DPP6: variants seen among roughly 807,000 people sequenced by gnomAD.
DPP6 encodes dipeptidyl peptidase like 6, also known as A-type potassium channel modulatory protein DPP6.
A neutral mutation model predicts 122.6 loss-of-function variants in DPP6; 69 were observed. That is an observed-to-expected ratio of 0.56 (90% CI 0.46 to 0.69). DPP6 has a LOEUF of 0.69. Among genes scored for constraint, DPP6 ranks in the 30% least tolerant of loss-of-function variants. DPP6 has a pLI of 0.00. For synonymous variants in DPP6, 418 were observed against 433.1 expected (o/e 0.97, Z 0.43); for missense variants, 928 against 1,116.9 (o/e 0.83, Z 2.41).
intron 1 of DPP6, among the ~76,000 whole-genome samples, chr7:153,947,492 A>T (rs551114840): frequency 4.9e-4 from 74 of 152,190 alleles, no homozygotes; most frequent in African/African-American, 1.4e-3. Context: ...GACTGGCAAA[A>T]AATAATAATA....
intron 1 of DPP6, among the ~76,000 whole-genome samples, chr7:154,150,971 C>G (rs904490360): frequency 3.3e-5 from 5 of 152,134 alleles, no homozygotes; most frequent in African/African-American, 1.2e-4. Context: ...TCCTAGATAG[C>G]TGCTTCCTGC....
chr7:154,458,665 G>T (rs1821013364), intron 2 of DPP6, among the ~76,000 whole-genome samples: 1 of 152,332 alleles, frequency 6.6e-6, no homozygotes, highest in Admixed American at 6.5e-5. Flanking sequence ...AAAATAAAGG[G>T]AGATAAATGG....
chr7:154,267,568 TAC>T (rs558406367), intron 1 of DPP6, among the ~76,000 whole-genome samples: 4 of 149,012 alleles, frequency 2.7e-5, no homozygotes, highest in East Asian at 3.9e-4. Flanking sequence ...TACACACATG[TAC>T]ACACACATAT....
At chr7:153,798,335 G>A in the DPP6 span, among the ~76,000 whole-genome samples, 1 of 152,210 alleles carries the variant, frequency 6.6e-6, no homozygotes, top group Non-Finnish European at 1.5e-5. Context: ...ACAAAGAAGA[G>A]ATATTGGTTC....
intron 1 of DPP6, among the ~76,000 whole-genome samples, chr7:154,176,988 C>T (rs1235634666): frequency 6.6e-6 from 1 of 152,050 alleles, no homozygotes; most frequent in Admixed American, 6.6e-5. Flanking sequence ...CACACACCAC[C>T]ACACCTGGCT....
chr7:154,861,378 A>T (rs1171813441), intron 17 of DPP6, among the ~76,000 whole-genome samples: 1 of 152,202 alleles, frequency 6.6e-6, no homozygotes, highest in Non-Finnish European at 1.5e-5. Context: ...ACATAATCCT[A>T]TGATATCTAA....
At chr7:154,564,237 C>G (rs928152237) in intron 4 of DPP6, among the ~76,000 whole-genome samples, 1 of 151,900 alleles carries the variant, frequency 6.6e-6, no homozygotes, top group African/African-American at 2.4e-5. Context: ...GCATGACAGG[C>G]AGGAGTTTAA....
intron 5 of DPP6, among the ~76,000 whole-genome samples, chr7:154,613,288 C>T (rs1834021179): frequency 6.6e-6 from 1 of 151,910 alleles, no homozygotes; most frequent in Non-Finnish European, 1.5e-5. Context: ...TAACCATAAA[C>T]CAAGGAGTTA....
intron 16 of DPP6, among the ~76,000 whole-genome samples, chr7:154,849,168 T>C (rs763384315): frequency 4.6e-5 from 7 of 152,210 alleles, no homozygotes; most frequent in Non-Finnish European, 8.8e-5. Context: ...CATATGAATT[T>C]TAGGATTTTT....
At chr7:153,923,760 CAAAAAAA>C (rs1158548494) in intron 1 of DPP6, among the ~76,000 whole-genome samples, 1 of 46,798 alleles carries the variant, frequency 2.1e-5, no homozygotes, top group African/African-American at 9.6e-5. Context: ...GACTCCATCT[CAAAAAAA>C]AAAAAAAAAA....
At chr7:154,491,788 T>A (rs1824301884) in intron 3 of DPP6, among the ~76,000 whole-genome samples, 2 of 152,322 alleles carry the variant, frequency 1.3e-5, no homozygotes, top group East Asian at 1.9e-4. Context: ...AAGGAGGATT[T>A]TCCTTTGGGC....
intron 1 of DPP6, among the ~76,000 whole-genome samples, chr7:154,364,776 T>G (rs768330204): frequency 1.3e-5 from 2 of 152,220 alleles, no homozygotes; most frequent in Non-Finnish European, 2.9e-5. Flanking sequence ...GAGATTGACT[T>G]GATGTCTTAA....
chr7:153,931,060 C>T (rs1298855133), intron 1 of DPP6, among the ~76,000 whole-genome samples: 1 of 152,204 alleles, frequency 6.6e-6, no homozygotes, highest in Non-Finnish European at 1.5e-5. Flanking sequence ...CAAGGTGACT[C>T]CTGTATAGGA....
intron 1 of DPP6, among the ~76,000 whole-genome samples, chr7:154,217,741 C>T (rs2150822030): frequency 6.6e-6 from 1 of 152,282 alleles, no homozygotes; most frequent in Non-Finnish European, 1.5e-5. Flanking sequence ...CTCACTCTGA[C>T]AGGGGCACAG....
intron 1 of DPP6, among the ~76,000 whole-genome samples, chr7:153,968,374 C>G (rs572825599): frequency 4.6e-5 from 7 of 152,204 alleles, no homozygotes; most frequent in African/African-American, 1.7e-4. Context: ...CATGTCTGTT[C>G]ATATTCTTTG....
At chr7:154,776,217 A>ATAGATAGATAGATAGATAGT (rs1378818986) in intron 10 of DPP6, among the ~76,000 whole-genome samples, 3 of 110,818 alleles carry the variant, frequency 2.7e-5, no homozygotes, top group African/African-American at 7.4e-5. Flanking sequence ...AGATAGATAG[A>ATAGATAGATAGATAGATAGT]TAGATAGATA....
At chr7:154,671,372 A>T (rs1026896741) in intron 7 of DPP6, among the ~76,000 whole-genome samples, 1 of 152,174 alleles carries the variant, frequency 6.6e-6, no homozygotes, top group Non-Finnish European at 1.5e-5. Context: ...AACCTTACTG[A>T]GTGATCATTG....
the DPP6 span, among the ~76,000 whole-genome samples, chr7:153,776,266 C>T: frequency 2.6e-5 from 4 of 152,066 alleles, no homozygotes; most frequent in Non-Finnish European, 5.9e-5. Flanking sequence ...TTGTAGTTCC[C>T]GTAATCCCCA....
chr7:153,756,220 T>C, the DPP6 span, among the ~76,000 whole-genome samples: 3 of 151,648 alleles, frequency 2.0e-5, no homozygotes, highest in African/African-American at 7.3e-5. Flanking sequence ...ATCCTGACCA[T>C]TGGTATCTGT....
Sources: allele counts gnomAD v4.1 joint callset (sites outside exome capture counted in the v4.1 genomes callset), GRCh38; gene constraint gnomAD v4.1.1; transcripts MANE v1.5; gene names NCBI Gene and HGNC (gene_info 2026-07-23, HGNC 2026-07-21).